Variants in ZNF525 observed in about 807,000 individuals in gnomAD.
ZNF525 encodes zinc finger protein 525.
ZNF525 carries 33 observed loss-of-function variants against 37.6 expected under a neutral mutation model. That is an observed-to-expected ratio of 0.88 (90% confidence interval 0.67 to 1.17). ZNF525 has a LOEUF of 1.17. Ranked by LOEUF, ZNF525 falls within the 50% of genes most tolerant of loss-of-function variation. The pLI, the probability that ZNF525 is intolerant of heterozygous loss-of-function variation, is 0.00. For synonymous variants in ZNF525, 170 were observed against 182.3 expected, an observed-to-expected ratio of 0.93 and a Z score of 0.54; for missense variants, 449 against 543.1, an observed-to-expected ratio of 0.83 and a Z score of 1.72.
rs772669479 is a variant in ZNF525, at chr19:53,381,383, G to A, written c.804G>A (p.Glu268=). The A allele has an allele frequency of 6.3e-7, 1 of 1,597,022 alleles. No individual in the cohort carries two copies. Among genetic ancestry groups the A allele is most frequent in the South Asian group, 1.1e-5 (1 of 90,688 alleles). The change falls in exon 4 of 4, where the codon GAG becomes GAA. Residue 268 remains glutamate (E), a synonymous_variant. Transcript: ENST00000474037. ...LARHRRCHTG[E]KPYKCNECGK... ...GCCATCGTAGATGTCACACTGGTGA[G>A]AAACCTTACAAGTGTAATGAGTGTG...
At chr19:53,376,451 T>G (rs956076721) in intron 3 of ZNF525, 2 of 591,700 alleles carry the variant, frequency 3.4e-6, no homozygotes, top group African/African-American at 3.8e-5. Context: ...CTTGATTTTT[T>G]TTGTTGTTAT....
chr19:53,374,178 C>T (rs2085506296), intron 2 of ZNF525, among the ~76,000 whole-genome samples: 1 of 152,030 alleles, frequency 6.6e-6, no homozygotes, highest in South Asian at 2.1e-4. Flanking sequence ...CCTCCTTGCC[C>T]AGCCCCCAAT....
chr19:53,366,114 T>G lies in ZNF525; in HGVS notation c.-68+355T>G, dbSNP rs376150384. Among the ~76,000 whole-genome samples the G allele has an allele frequency of 7.9e-5, 12 of 152,226 alleles. No individual in the cohort carries two copies. In the East Asian group the frequency reaches 1.7e-3, roughly 22 times the overall value. ...TCCCAGCCTCGCCCTCGTCGGCCCC[T>G]AGAGCGCAGCGTCGCAGCTCCGGTC... On this transcript the variant is annotated intron_variant, in intron 1 of 3. Transcript: ENST00000474037.
chr19:53,383,181 C>G lies in ZNF525; in HGVS notation c.*1162C>G. 7.3e-7 allele frequency: 1 copy of G among 1,365,814 alleles called. No individual in the cohort carries two copies. 84.6% of individuals were successfully genotyped at this position (1,365,814 alleles called of 1,614,324 possible). The stretch of plus-strand genomic sequence containing the variant: ...TGTAATGAGTGTGGCAAGACCTACT[C>G]TCACAATTCAGTCCTTGTAATTCAT... On this transcript the variant is annotated 3_prime_UTR_variant, in exon 4 of 4. Transcript: ENST00000474037.
At chr19:53,367,325 A>T (rs35295182) in intron 1 of ZNF525, among the ~76,000 whole-genome samples, 114,958 of 149,360 alleles carry the variant, frequency 0.77, 44,687 homozygotes, top group South Asian at 0.89. Context: ...TTTTTTTTTT[A>T]AATTTCTGCT....
At position 53,381,906 on chromosome 19, in the gene ZNF525, G is replaced by T. The variant is rs781011022; in HGVS notation, c.1327G>T (p.Glu443Ter). 4 of 978,386 alleles carry T rather than the reference G, an allele frequency of 4.1e-6. No individual in the cohort carries two copies. In the African/African-American group the frequency reaches 6.3e-5, roughly 15 times the overall value. 60.6% of individuals were successfully genotyped at this position (978,386 alleles called of 1,614,324 possible). The change falls in exon 4 of 4, where the codon GAG becomes TAG. Residue 443 changes from glutamate to a stop codon, truncating the protein, a stop_gained. Transcript: ENST00000474037. LOFTEE classifies it high-confidence loss of function. Reference sequence around the variant, plus strand: ...TGGAGAGAAACTGTACAAATGTAATGAGTGTGGCAAGACCTTCAGTCAGGA... The same window carrying T: ...TGGAGAGAAACTGTACAAATGTAATTAGTGTGGCAAGACCTTCAGTCAGGA... Reference protein sequence around the residue: ...HNGEKLYKCNECGKTFSQELS... With the variant: ...HNGEKLYKCN
chr19:53,381,093 T>C lies in ZNF525; in HGVS notation c.514T>C (p.Ser172Pro). 2 of 1,473,378 alleles carry C rather than the reference T, an allele frequency of 1.4e-6. No homozygotes were observed. The highest frequency in any genetic ancestry group is 1.9e-6 in the Non-Finnish European group (2 of 1,051,986). The allele number at this position is 1,473,378 out of a possible 1,614,324, so 91.3% of individuals were successfully genotyped here. ...NQVEKSINDASSVSTAQRISC... is the reference protein window; with the variant it reads ...NQVEKSINDAPSVSTAQRISC... The stretch of plus-strand genomic sequence containing the variant: ...AGTGGAGAAGTCTATCAACGATGCT[T>C]CCTCGGTTTCAACAGCCCAAAGAAT... The change falls in exon 4 of 4, where the codon TCC (serine) becomes CCC (proline). Residue 172 changes from serine (S) to proline (P), a missense_variant. Physicochemically the swap from Ser to Pro is moderately conservative, Grantham distance 74. Coordinates refer to ENST00000474037, the MANE Select transcript of ZNF525 (RefSeq NM_001348156.2).
At chr19:53,366,784 C>T (rs8107582) in intron 1 of ZNF525, among the ~76,000 whole-genome samples, 4,269 of 136,152 alleles carry the variant, frequency 0.031, 230 homozygotes, top group African/African-American at 0.1. Flanking sequence ...TCTGGGGTGC[C>T]AGAGAGTGGG....
chr19:53,383,313 A>AACCGT lies in ZNF525; in HGVS notation c.*1296_*1297insCGTAC. 1 of 1,389,962 alleles carries AACCGT rather than the reference A, an allele frequency of 7.2e-7. No individual in the cohort carries two copies. 86.1% of individuals were successfully genotyped at this position (1,389,962 alleles called of 1,614,324 possible). ...CATAAAACAATTCATACTGGAGAGAAACAAGCGTAATGAATGTGGCGAGGT... is the reference window on the plus strand; with the variant it reads ...CATAAAACAATTCATACTGGAGAGAAACCGTACAAGCGTAATGAATGTGGCGAGGT... On this transcript the variant is annotated 3_prime_UTR_variant, in exon 4 of 4. Transcript: ENST00000474037.
chr19:53,373,693 A>G (rs2085503128), intron 2 of ZNF525, among the ~76,000 whole-genome samples: 2 of 151,870 alleles, frequency 1.3e-5, no homozygotes, highest in African/African-American at 2.4e-5. Context: ...ATGGTGGCGC[A>G]TGCCTGTAAT....
chr19:53,372,555 C>T (rs964661470), intron 2 of ZNF525, among the ~76,000 whole-genome samples: 4 of 152,188 alleles, frequency 2.6e-5, no homozygotes, highest in South Asian at 4.2e-4. Context: ...GTGAGGGTCC[C>T]GTGGTGTCAG....
In ZNF525 at chr19:53,375,922, G is replaced by C. The variant is rs770389313; in HGVS notation, c.142+26G>C. On this transcript the variant is annotated intron_variant, in intron 3 of 3. Transcript: ENST00000474037. The stretch of plus-strand genomic sequence containing the variant: ...GTGAGGATAACTTCCCTCCAGAAGT[G>C]GGGATGTGTCCTTTCGTATCTTTGT... 11 of 1,613,058 alleles carry C rather than the reference G, an allele frequency of 6.8e-6. No homozygotes were observed. In the South Asian group the frequency reaches 1.2e-4, roughly 18 times the overall value.
At chr19:53,366,381 G>A (rs974986819) in intron 1 of ZNF525, among the ~76,000 whole-genome samples, 12 of 150,672 alleles carry the variant, frequency 8.0e-5, no homozygotes, top group Admixed American at 4.7e-4. Context: ...CGGGATGCAG[G>A]CGTCTTACTC....
Position 53,386,217 on chromosome 19 carries a change from G to T in ZNF525, c.*4198G>T. 1.6e-6 allele frequency: 1 copy of T among 636,328 alleles called. No individual in the cohort carries two copies. Among genetic ancestry groups the T allele is most frequent in the Non-Finnish European group, 3.0e-6 (1 of 336,068 alleles). The allele number at this position is 636,328 out of a possible 1,614,324, so 39.4% of individuals were successfully genotyped here. A position where few individuals can be genotyped will look rare whatever the true frequency, so the allele number is the denominator to read the frequency against. ...TTCTTTGCCATCGTGGTGTGTGCTT[G>T]ACTCTGCTTCTTGCCACATCTTCTC... is the stretch of plus-strand genomic sequence containing the variant. On this transcript the variant is annotated 3_prime_UTR_variant, in exon 4 of 4. Coordinates refer to ENST00000474037, the MANE Select transcript of ZNF525 (RefSeq NM_001348156.2).
At chr19:53,376,214 G>A (rs2085521124) in intron 3 of ZNF525, 1 of 720,696 alleles carries the variant, frequency 1.4e-6, no homozygotes, top group Non-Finnish European at 2.5e-6. Context: ...AAGAAGCTGG[G>A]ATTACAGGCG....
At chr19:53,367,485 T>C (rs1245636086) in intron 1 of ZNF525, among the ~76,000 whole-genome samples, 2 of 152,204 alleles carry the variant, frequency 1.3e-5, no homozygotes, top group Admixed American at 6.5e-5. Flanking sequence ...TCTGCCTGGT[T>C]ACAATTGCTT....
Position 53,385,243 on chromosome 19 carries a change from T to C in ZNF525, c.*3224T>C. 1 of 451,694 alleles carries C rather than the reference T, an allele frequency of 2.2e-6. No individual in the cohort carries two copies. Among genetic ancestry groups the C allele is most frequent in the Non-Finnish European group, 3.9e-6 (1 of 255,152 alleles). 28.0% of individuals were successfully genotyped at this position (451,694 alleles called of 1,614,324 possible). A position where few individuals can be genotyped will look rare whatever the true frequency, so the allele number is the denominator to read the frequency against. On this transcript the variant is annotated 3_prime_UTR_variant, in exon 4 of 4. Transcript: ENST00000474037. ...AAATTGTGCATGAATTTCACAATTTTTGCACCAAAATAAACTAGTGCTAGT... is the reference window on the plus strand; with the variant it reads ...AAATTGTGCATGAATTTCACAATTTCTGCACCAAAATAAACTAGTGCTAGT...
chr19:53,367,292 A>G (rs113466404), intron 1 of ZNF525, among the ~76,000 whole-genome samples: 12 of 144,684 alleles, frequency 8.3e-5, no homozygotes, highest in Non-Finnish European at 1.2e-4. Flanking sequence ...GCCTGTTACT[A>G]TTCTTGGAGT....
intron 2 of ZNF525, among the ~76,000 whole-genome samples, chr19:53,374,836 T>C (rs577605128): frequency 2.3e-4 from 35 of 149,822 alleles, no homozygotes; most frequent in Non-Finnish European, 4.3e-4. Context: ...CAAATATATC[T>C]ATATAATGGA....
Sources: gnomAD v4.1 joint callset for allele counts (sites outside exome capture counted in the v4.1 genomes callset) on GRCh38, gnomAD v4.1.1 for gene constraint, MANE v1.5 for transcripts, NCBI Gene and HGNC (gene_info 2026-07-23, HGNC 2026-07-21) for gene names.